The following CNTNAP5 variants were observed in gnomAD, a reference collection of about 807,000 sequenced individuals.
CNTNAP5 encodes contactin-associated protein-like 5.
A neutral mutation model predicts 150.2 loss-of-function variants in CNTNAP5; 72 were observed. The observed-to-expected ratio is 0.48, with a 90% CI of 0.40 to 0.58. The LOEUF is 0.58. Ranked by LOEUF, CNTNAP5 falls within the 20% of genes least tolerant of loss-of-function variation. CNTNAP5 has a pLI of 0.00. For synonymous variants in CNTNAP5, 672 were observed against 619.8 expected (o/e 1.08, Z -1.25); for missense variants, 1,636 against 1,626.2 (o/e 1.01, Z -0.10).
intron 11 of CNTNAP5, among the ~76,000 whole-genome samples, chr2:124,571,636 G>A (rs944857326): frequency 5.0e-5 from 7 of 140,834 alleles, no homozygotes; most frequent in African/African-American, 7.9e-5. Context: ...AGGTTCAAGC[G>A]ATTCTCCTAC....
chr2:124,619,810 G>GA (rs1677570104), intron 12 of CNTNAP5, among the ~76,000 whole-genome samples: 1 of 140,470 alleles, frequency 7.1e-6, no homozygotes, highest in Admixed American at 7.2e-5. Flanking sequence ...CCAATTTCCT[G>GA]AAAATCAATC....
chr2:124,709,760 C>G (rs35155273), intron 13 of CNTNAP5, among the ~76,000 whole-genome samples: 2 of 152,066 alleles, frequency 1.3e-5, no homozygotes, highest in Middle Eastern at 3.4e-3. Context: ...AATTAATCCA[C>G]CAGATAATTA....
At chr2:124,716,139 T>G (rs920962584) in intron 13 of CNTNAP5, among the ~76,000 whole-genome samples, 1 of 152,182 alleles carries the variant, frequency 6.6e-6, no homozygotes, top group African/African-American at 2.4e-5. Context: ...AAATTATTTT[T>G]ATATTTTTGC....
At chr2:124,786,396 A>AG (rs1681582914) in intron 17 of CNTNAP5, among the ~76,000 whole-genome samples, 1 of 83,204 alleles carries the variant, frequency 1.2e-5, no homozygotes, top group Non-Finnish European at 2.5e-5. Flanking sequence ...AGAAAGAAAG[A>AG]AAGAAGGAAG....
intron 11 of CNTNAP5, among the ~76,000 whole-genome samples, chr2:124,607,374 C>T (rs554973101): frequency 2.6e-5 from 4 of 152,226 alleles, no homozygotes; most frequent in East Asian, 3.9e-4. Context: ...GCAAGGGCTG[C>T]CTTGTTACAT....
intron 1 of CNTNAP5, among the ~76,000 whole-genome samples, chr2:124,106,069 C>G (rs1573757239): frequency 6.6e-6 from 1 of 152,094 alleles, no homozygotes; most frequent in South Asian, 2.1e-4. Flanking sequence ...GTGTATTTCT[C>G]CAGATACTGC....
chr2:124,677,431 C>T (rs973796285), intron 13 of CNTNAP5, among the ~76,000 whole-genome samples: 1 of 152,212 alleles, frequency 6.6e-6, no homozygotes, highest in African/African-American at 2.4e-5. Context: ...GAGCAGGTTG[C>T]TGCTGCTGGC....
At chr2:124,772,741 G>A (rs1300818105) in intron 16 of CNTNAP5, 58 bp from the exon 17 acceptor site, 1 of 1,318,068 alleles carries the variant, frequency 7.6e-7, no homozygotes, top group Non-Finnish European at 1.1e-6. Context: ...ACTCAAGCCT[G>A]TGCCTTGAAT....
intron 3 of CNTNAP5, among the ~76,000 whole-genome samples, chr2:124,350,654 A>C (rs942177785): frequency 5.9e-5 from 9 of 152,098 alleles, no homozygotes; most frequent in Non-Finnish European, 1.0e-4. Context: ...AATAGAAGGT[A>C]TAAAATATTT....
At chr2:124,592,375 A>ATATG (rs1553419710) in intron 11 of CNTNAP5, among the ~76,000 whole-genome samples, 1 of 149,724 alleles carries the variant, frequency 6.7e-6, no homozygotes, top group Admixed American at 6.7e-5. Flanking sequence ...GTATATATAT[A>ATATG]TGTGTGTGTG....
intron 14 of CNTNAP5, among the ~76,000 whole-genome samples, chr2:124,759,853 C>A (rs1026005113): frequency 7.0e-6 from 1 of 143,246 alleles, no homozygotes; most frequent in Non-Finnish European, 1.5e-5. Context: ...GTATATTTGA[C>A]CACTCAATGC....
Position 124,346,242 on chromosome 2 carries a change from CA to C in CNTNAP5, c.382-71200del, listed in dbSNP as rs373209929. On this transcript the variant is annotated intron_variant, in intron 3 of 23. Transcript: ENST00000682447. The stretch of plus-strand genomic sequence containing the variant: ...AAAGGGTAACTGCATAACACTGCAG[CA>C]CTGGAGAGGTAACTGTCAGTGATGA... 1.6e-3 allele frequency among the ~76,000 whole-genome samples: 246 copies of C among 152,274 alleles called. 2 individuals carry two copies. Among genetic ancestry groups the C allele is most frequent in the African/African-American group, 5.6e-3 (234 of 41,554 alleles).
At chr2:124,404,732 G>A (rs1203603917) in intron 3 of CNTNAP5, among the ~76,000 whole-genome samples, 2 of 152,100 alleles carry the variant, frequency 1.3e-5, no homozygotes, top group Non-Finnish European at 2.9e-5. Context: ...CTAATATTCA[G>A]GCCAAATATG....
chr2:124,456,621 A>C (rs1216397181), intron 6 of CNTNAP5, among the ~76,000 whole-genome samples: 1 of 152,156 alleles, frequency 6.6e-6, no homozygotes, highest in Non-Finnish European at 1.5e-5. Flanking sequence ...AACAAGACTA[A>C]GCAAAAAACA....
chr2:124,027,878 G>C (rs1403285051), intron 1 of CNTNAP5, among the ~76,000 whole-genome samples: 1 of 152,126 alleles, frequency 6.6e-6, no homozygotes, highest in Non-Finnish European at 1.5e-5. Context: ...CTCTGAACTT[G>C]ATATATTTTG....
At chr2:124,695,673 G>A (rs113475031) in intron 13 of CNTNAP5, among the ~76,000 whole-genome samples, 6 of 152,142 alleles carry the variant, frequency 3.9e-5, no homozygotes, top group Non-Finnish European at 8.8e-5. Context: ...TGTGTTAATC[G>A]AAAGGAATCT....
At chr2:124,818,428 G>A (rs775975217) in intron 19 of CNTNAP5, among the ~76,000 whole-genome samples, 4 of 152,294 alleles carry the variant, frequency 2.6e-5, no homozygotes, top group Admixed American at 6.5e-5. Context: ...TTGGGAGGCA[G>A]AGGTGAGAGG....
intron 1 of CNTNAP5, among the ~76,000 whole-genome samples, chr2:124,191,446 G>A (rs1685455290): frequency 6.6e-6 from 1 of 152,084 alleles, no homozygotes; most frequent in African/African-American, 2.4e-5. Context: ...TGCAATGAAA[G>A]CCTTCCATTC....
intron 13 of CNTNAP5, among the ~76,000 whole-genome samples, chr2:124,680,442 C>T (rs1389953593): frequency 6.6e-6 from 1 of 151,896 alleles, no homozygotes; most frequent in Non-Finnish European, 1.5e-5. Context: ...AATTCTGACA[C>T]ACAGTGGGCT....
Sources: gnomAD v4.1 joint callset for allele counts (sites outside exome capture counted in the v4.1 genomes callset) on GRCh38, gnomAD v4.1.1 for gene constraint, MANE v1.5 for transcripts, NCBI Gene and HGNC (gene_info 2026-07-23, HGNC 2026-07-21) for gene names.